Variants in KCNQ5 observed in about 807,000 individuals in gnomAD.
KCNQ5 encodes potassium voltage-gated channel subfamily KQT member 5.
A neutral mutation model predicts 98.2 loss-of-function variants in KCNQ5; 30 were observed. That is an observed-to-expected ratio of 0.31 (90% confidence interval 0.23 to 0.41). The LOEUF is 0.41. KCNQ5 is among the 10% of genes least tolerant of loss of function. KCNQ5 has a pLI of 1.00. For missense variants in KCNQ5, 835 were observed against 1,182.5 expected, an observed-to-expected ratio of 0.71 and a Z score of 4.31; for synonymous variants, 458 against 449.4, an observed-to-expected ratio of 1.02 and a Z score of -0.24.
At chr6:72,894,928 T>A (rs966969321) in intron 1 of KCNQ5, among the ~76,000 whole-genome samples, 3 of 151,782 alleles carry the variant, frequency 2.0e-5, no homozygotes, top group Non-Finnish European at 4.4e-5. Context: ...GTGCAGTAAT[T>A]ATTAGCTGGG....
chr6:72,971,293 G>C (rs1582113296), intron 1 of KCNQ5, among the ~76,000 whole-genome samples: 3 of 152,206 alleles, frequency 2.0e-5, no homozygotes, highest in African/African-American at 7.2e-5. Context: ...AAACCACAAT[G>C]AGATACCATC....
intron 1 of KCNQ5, among the ~76,000 whole-genome samples, chr6:72,669,646 TA>T (rs1420602848): frequency 6.6e-6 from 1 of 152,202 alleles, no homozygotes; most frequent in Non-Finnish European, 1.5e-5. Context: ...CTTTGAAGAC[TA>T]GTTCGTGTTC....
chr6:73,119,299 G>A (rs1775648771), intron 7 of KCNQ5, among the ~76,000 whole-genome samples: 1 of 152,182 alleles, frequency 6.6e-6, no homozygotes, highest in African/African-American at 2.4e-5. Context: ...TGACAGCCAG[G>A]CAATCTGAGA....
chr6:72,734,664 T>C (rs767704352), intron 1 of KCNQ5, among the ~76,000 whole-genome samples: 1 of 152,218 alleles, frequency 6.6e-6, no homozygotes, highest in Non-Finnish European at 1.5e-5. Context: ...TTATTCTACT[T>C]CATAGGCATA....
At chr6:73,033,824 T>G (rs540322508) in intron 2 of KCNQ5, among the ~76,000 whole-genome samples, 1 of 150,844 alleles carries the variant, frequency 6.6e-6, no homozygotes, top group Admixed American at 6.6e-5. Flanking sequence ...TAAATATCCA[T>G]GTGTCCTCAA....
At chr6:73,159,993 T>TTTGTTTGTTTG (rs1562213034) in intron 10 of KCNQ5, among the ~76,000 whole-genome samples, 3 of 136,288 alleles carry the variant, frequency 2.2e-5, no homozygotes, top group Admixed American at 7.2e-5. Flanking sequence ...CTATGGTTTT[T>TTTGTTTGTTTG]TTTGTTTGTT....
intron 1 of KCNQ5, among the ~76,000 whole-genome samples, chr6:72,905,154 T>C (rs922572171): frequency 2.0e-5 from 3 of 152,218 alleles, no homozygotes; most frequent in Admixed American, 6.5e-5. Flanking sequence ...ATTCTACTTG[T>C]TCAATTCTAT....
rs973002004 is a variant in KCNQ5, at chr6:73,132,291, A to G, written c.1248-1130A>G. On this transcript the variant is annotated intron_variant, in intron 9 of 13. Coordinates refer to ENST00000370398, the MANE Select transcript of KCNQ5 (RefSeq NM_019842.4). ...GTAGCTGCTCTGAGAGACTTCCCTCAGACTCATTGCCCAGGATTTCTTCAG... is the reference window on the plus strand; with the variant it reads ...GTAGCTGCTCTGAGAGACTTCCCTCGGACTCATTGCCCAGGATTTCTTCAG... Among the ~76,000 whole-genome samples the G allele has an allele frequency of 4.6e-5, 7 of 152,222 alleles. No individual in the cohort carries two copies. In the South Asian group the frequency reaches 1.5e-3, roughly 32 times the overall value.
At chr6:72,813,133 A>G (rs1442787639) in intron 1 of KCNQ5, among the ~76,000 whole-genome samples, 1 of 152,092 alleles carries the variant, frequency 6.6e-6, no homozygotes, top group African/African-American at 2.4e-5. Flanking sequence ...TGTTTAATCT[A>G]TTGGATTTTG....
chr6:73,031,318 A>G (rs545494538), intron 2 of KCNQ5, among the ~76,000 whole-genome samples: 41 of 152,356 alleles, frequency 2.7e-4, no homozygotes, highest in African/African-American at 8.9e-4. Context: ...TCACTAAGAC[A>G]TCTTGCAGTA....
At chr6:72,968,517 T>C (rs1454089369) in intron 1 of KCNQ5, among the ~76,000 whole-genome samples, 2 of 152,014 alleles carry the variant, frequency 1.3e-5, no homozygotes, top group Admixed American at 6.6e-5. Flanking sequence ...ATTGATGATA[T>C]TGATTATTTG....
intron 1 of KCNQ5, among the ~76,000 whole-genome samples, chr6:72,648,571 A>T (rs1765718584): frequency 6.6e-6 from 1 of 152,058 alleles, no homozygotes; most frequent in South Asian, 2.1e-4. Flanking sequence ...TTAGACCAGC[A>T]TACATATGTT....
chr6:73,131,987 A>G (rs1283236703), intron 9 of KCNQ5, among the ~76,000 whole-genome samples: 1 of 152,228 alleles, frequency 6.6e-6, no homozygotes, highest in Non-Finnish European at 1.5e-5. Flanking sequence ...CCACCAGTTC[A>G]TGATTTGATT....
intron 1 of KCNQ5, among the ~76,000 whole-genome samples, chr6:72,626,553 A>C (rs1028865819): frequency 2.6e-5 from 4 of 152,198 alleles, no homozygotes; most frequent in African/African-American, 9.7e-5. Context: ...GAATGGTGAT[A>C]ATCAGGGGAA....
At chr6:72,811,806 T>C (rs1262879077) in intron 1 of KCNQ5, among the ~76,000 whole-genome samples, 4 of 152,128 alleles carry the variant, frequency 2.6e-5, no homozygotes, top group Non-Finnish European at 5.9e-5. Context: ...GATGAGTCCA[T>C]AGAGTAAAGG....
intron 1 of KCNQ5, among the ~76,000 whole-genome samples, chr6:72,929,507 A>C (rs1283525896): frequency 6.6e-6 from 1 of 152,184 alleles, no homozygotes; most frequent in Admixed American, 6.6e-5. Context: ...TGCAGAACCA[A>C]CTTCATGTGT....
chr6:72,847,706 G>A (rs1777075868), intron 1 of KCNQ5, among the ~76,000 whole-genome samples: 1 of 152,086 alleles, frequency 6.6e-6, no homozygotes, highest in South Asian at 2.1e-4. Flanking sequence ...ACTAGCTAAT[G>A]GCAGCTTGCC....
intron 1 of KCNQ5, among the ~76,000 whole-genome samples, chr6:72,832,735 G>T (rs1270425245): frequency 2.0e-5 from 3 of 152,116 alleles, no homozygotes; most frequent in Admixed American, 2.0e-4. Flanking sequence ...AAATATTCAA[G>T]AATGACAATT....
intron 1 of KCNQ5, among the ~76,000 whole-genome samples, chr6:72,970,035 G>A (rs1162133747): frequency 6.6e-6 from 1 of 152,166 alleles, no homozygotes; most frequent in Non-Finnish European, 1.5e-5. Flanking sequence ...GAGGTGGGAG[G>A]ATTCCTTGAG....
Sources: allele counts gnomAD v4.1 joint callset (sites outside exome capture counted in the v4.1 genomes callset), GRCh38; gene constraint gnomAD v4.1.1; transcripts MANE v1.5; gene names NCBI Gene and HGNC (gene_info 2026-07-23, HGNC 2026-07-21).